Variants in REV3L observed in about 807,000 individuals in gnomAD.
REV3L encodes the protein DNA polymerase zeta catalytic subunit.
REV3L carries 69 observed loss-of-function variants against 299.4 expected under a neutral mutation model. The observed-to-expected ratio is 0.23, with a 90% confidence interval of 0.19 to 0.28. The LOEUF is 0.28. Among genes scored for constraint, REV3L ranks in the 10% least tolerant of loss-of-function variants. The pLI, the probability that REV3L is intolerant of heterozygous loss-of-function variation, is 1.00. For missense variants in REV3L, 3,128 were observed against 3,693.8 expected (o/e 0.85, Z 3.97); for synonymous variants, 1,238 against 1,271.4 (o/e 0.97, Z 0.56).
At chr6:111,472,546 A>C (rs1792365700) in intron 1 of REV3L, among the ~76,000 whole-genome samples, 1 of 151,756 alleles carries the variant, frequency 6.6e-6, no homozygotes, top group Non-Finnish European at 1.5e-5. Context: ...ATTTCCCAAA[A>C]CTATCATCTA....
At chr6:111,384,844 A>G (rs1411251651) in intron 9 of REV3L, among the ~76,000 whole-genome samples, 1 of 152,236 alleles carries the variant, frequency 6.6e-6, no homozygotes, top group Non-Finnish European at 1.5e-5. Flanking sequence ...ATTTGGAAGC[A>G]ATCTAAGTGT....
intron 6 of REV3L, among the ~76,000 whole-genome samples, chr6:111,389,583 T>C (rs1184618623): frequency 2.6e-5 from 4 of 152,110 alleles, no homozygotes; most frequent in African/African-American, 7.2e-5. Context: ...ATATAGTCAT[T>C]TGGACAAAAA....
upstream of REV3L, chr6:111,483,400 G>A (rs1562387091): frequency 2.3e-6 from 1 of 443,540 alleles, no homozygotes; most frequent in South Asian, 3.2e-5. Context: ...GAGGGAGGCG[G>A]CCGGCGGCCG....
At chr6:111,422,546 T>C (rs1413030172) in intron 1 of REV3L, among the ~76,000 whole-genome samples, 1 of 143,046 alleles carries the variant, frequency 7.0e-6, no homozygotes, top group Non-Finnish European at 1.5e-5. Context: ...TTCTTTTATA[T>C]ATATATGGGT....
intron 1 of REV3L, among the ~76,000 whole-genome samples, chr6:111,450,478 CAAAAAAAAAAAAA>C (rs869119350): frequency 5.5e-5 from 3 of 54,114 alleles, no homozygotes; most frequent in Admixed American, 3.0e-4. Flanking sequence ...GACCCTGTCT[CAAAAAAAAAAAAA>C]AAAAAAAAAA....
intron 1 of REV3L, among the ~76,000 whole-genome samples, chr6:111,439,567 C>T (rs979685420): frequency 6.6e-6 from 1 of 152,180 alleles, no homozygotes; most frequent in African/African-American, 2.4e-5. Flanking sequence ...AAGTGGGTGC[C>T]TCATGAGCTG....
At chr6:111,333,641 A>AT (rs1165164176) in intron 22 of REV3L, among the ~76,000 whole-genome samples, 1 of 150,920 alleles carries the variant, frequency 6.6e-6, no homozygotes, top group African/African-American at 2.4e-5. Flanking sequence ...TGTCCAGCTA[A>AT]TTTTTTGTAT....
At chr6:111,473,493 A>G (rs192783192) in intron 1 of REV3L, among the ~76,000 whole-genome samples, 7 of 152,010 alleles carry the variant, frequency 4.6e-5, no homozygotes, top group African/African-American at 1.7e-4. Context: ...TTTTAGTATC[A>G]ATTTTTATTT....
chr6:111,381,483 C>T, intron 9 of REV3L, 39 bp from the exon 10 acceptor site: 1 of 1,549,294 alleles, frequency 6.5e-7, no homozygotes, highest in Non-Finnish European at 8.7e-7. Context: ...GAAGCAATGG[C>T]CTAAATCCAA....
intron 2 of REV3L, 34 bp downstream of exon 2, chr6:111,416,249 A>G: frequency 7.0e-7 from 1 of 1,422,274 alleles, no homozygotes; most frequent in Non-Finnish European, 9.5e-7. Context: ...AGCAACATAA[A>G]CAGAAATTAT....
At chr6:111,364,109 A>C in intron 15 of REV3L, 131 bp from the exon 16 acceptor site, 4 of 1,227,668 alleles carry the variant, frequency 3.3e-6, no homozygotes, top group South Asian at 1.7e-5. Flanking sequence ...ATCATCTCTA[A>C]GTTCAAGAAC....
chr6:111,439,473 C>T (rs1305878569), intron 1 of REV3L, among the ~76,000 whole-genome samples: 1 of 152,116 alleles, frequency 6.6e-6, no homozygotes, highest in South Asian at 2.1e-4. Context: ...TAAAACTACA[C>T]GAAAAGTTGC....
intron 1 of REV3L, among the ~76,000 whole-genome samples, chr6:111,447,051 G>T (rs183933949): frequency 6.6e-6 from 1 of 151,950 alleles, no homozygotes; most frequent in Non-Finnish European, 1.5e-5. Context: ...CCTGAGCTTC[G>T]GTGTTTTTTA....
chr6:111,383,575 A>G (rs1439714869), intron 9 of REV3L, among the ~76,000 whole-genome samples: 1 of 152,192 alleles, frequency 6.6e-6, no homozygotes, highest in Non-Finnish European at 1.5e-5. Context: ...CCTACAATGA[A>G]AACTATAAAA....
Position 111,333,119 on chromosome 6 carries a change from T to C in REV3L, c.7925+4A>G. ...TATTATTGTAAATGTGAAAAAAACCTTACTTTCCCAAGTTCTCCACATGGC... is the reference window on the plus strand; with the variant it reads ...TATTATTGTAAATGTGAAAAAAACCCTACTTTCCCAAGTTCTCCACATGGC... On this transcript the variant is annotated splice_donor_region_variant and intron_variant, in intron 23 of 31. Transcript: ENST00000368802. 6.2e-7 allele frequency: 1 copy of C among 1,612,312 alleles called. No homozygotes were observed. Among genetic ancestry groups the C allele is most frequent in the Non-Finnish European group, 8.5e-7 (1 of 1,179,066 alleles).
At chr6:111,483,691 G>A (rs1794053105), upstream of REV3L, 1 of 387,708 alleles carries the variant, frequency 2.6e-6, no homozygotes, top group Non-Finnish European at 5.2e-6. Flanking sequence ...CGCGTGAGGA[G>A]GGAGGCGAGG....
intron 1 of REV3L, among the ~76,000 whole-genome samples, chr6:111,428,774 G>A (rs913522039): frequency 7.9e-5 from 12 of 152,084 alleles, no homozygotes; most frequent in African/African-American, 2.7e-4. Flanking sequence ...TGGTATTTAA[G>A]AGTGAGGGCT....
chr6:111,474,603 A>G (rs568100738), intron 1 of REV3L, among the ~76,000 whole-genome samples: 31 of 152,240 alleles, frequency 2.0e-4, no homozygotes, highest in African/African-American at 7.5e-4. Flanking sequence ...AGGAACCCCA[A>G]CGCCTTCCTT....
intron 1 of REV3L, among the ~76,000 whole-genome samples, chr6:111,477,294 T>C (rs1160706498): frequency 6.6e-6 from 1 of 152,218 alleles, no homozygotes; most frequent in Non-Finnish European, 1.5e-5. Context: ...TGGTAAGCAT[T>C]AACTCTATAA....
Sources: gnomAD v4.1 joint callset for allele counts (sites outside exome capture counted in the v4.1 genomes callset) on GRCh38, gnomAD v4.1.1 for gene constraint, MANE v1.5 for transcripts, NCBI Gene and HGNC (gene_info 2026-07-23, HGNC 2026-07-21) for gene names.